Variants in SPANXN3 observed in about 807,000 individuals in gnomAD.
SPANXN3 encodes sperm protein associated with the nucleus on the X chromosome N3.
Under a neutral mutation model 1.9 loss-of-function variants are expected in SPANXN3, and 1 was observed. The ratio of observed to expected loss-of-function variants is 0.54; its 90% CI spans 0.19 to 2.54. The LOEUF (loss-of-function observed/expected upper bound fraction) is 2.54. SPANXN3 is among the 30% of genes most tolerant of loss of function. The pLI is 0.24. For synonymous variants in SPANXN3, 47 were observed against 40.0 expected, an observed-to-expected ratio of 1.17 and a Z score of -0.66; for missense variants, 113 against 96.2, an observed-to-expected ratio of 1.17 and a Z score of -0.73.
chrX:143,511,718 A>G (rs1334764541), intron 1 of SPANXN3, among the ~76,000 whole-genome samples: 1 of 111,545 alleles, frequency 9.0e-6, no homozygotes, highest in African/African-American at 3.3e-5. Context: ...AGGGACACTG[A>G]GCAAAAGCCT....
intron 1 of SPANXN3, chrX:143,516,617 T>G (rs1556412589): frequency 8.9e-6 from 1 of 111,871 alleles, no homozygotes; most frequent in Non-Finnish European, 1.9e-5. Flanking sequence ...ATATTTACCT[T>G]CATATCCCGC....
Position 143,516,030 on chromosome X carries a change from C to G in SPANXN3, c.78+1284G>C, listed in dbSNP as rs1473187311. Among the ~76,000 whole-genome samples, 8 of 111,456 alleles carry G rather than the reference C, an allele frequency of 7.2e-5. No individual in the cohort carries two copies. The Admixed American group carries it at 7.6e-4, about 11-fold the overall frequency. The stretch of plus-strand genomic sequence containing the variant: ...TCAAGGGCGCTCGCTGGAAAACATG[C>G]ACAAACAATTCCCTCAAGTGCAACC... On this transcript the variant is annotated intron_variant, in intron 1 of 1. Transcript: ENST00000370503.
chrX:143,508,813 G>A lies in SPANXN3; in HGVS notation c.*2C>T, dbSNP rs781851727. ...TGTCCAATTTGGTTTCTCCATGTGT[G>A]ACTAATCCTCCCCACTGTCCTGTGA... On this transcript the variant is annotated 3_prime_UTR_variant, in exon 2 of 2. Coordinates refer to ENST00000370503, the MANE Select transcript of SPANXN3 (RefSeq NM_001009609.4). 4.2e-6 allele frequency: 5 copies of A among 1,199,363 alleles called. No homozygotes were observed. The Admixed American group carries it at 1.1e-4, about 26-fold the overall frequency.
chrX:143,517,281 C>T (rs782773915), intron 1 of SPANXN3, 33 bp downstream of exon 1: 5 of 1,195,850 alleles, frequency 4.2e-6, no homozygotes, highest in Non-Finnish European at 5.7e-6. Context: ...TTTCTTTCAC[C>T]CTCACCTTCC....
intron 1 of SPANXN3, among the ~76,000 whole-genome samples, chrX:143,514,203 C>G (rs1168921563): frequency 8.9e-6 from 1 of 111,961 alleles, no homozygotes; most frequent in Non-Finnish European, 1.9e-5. Flanking sequence ...AAAACCCCAT[C>G]GTTATTGCTC....
chrX:143,509,130 G>T lies in SPANXN3; in HGVS notation c.111C>A (p.Pro37=), dbSNP rs145086130. Residue 37 remains proline, a synonymous_variant, in exon 2 of 2, where the codon CCC becomes CCA. Coordinates refer to ENST00000370503, the MANE Select transcript of SPANXN3 (RefSeq NM_001009609.4). ...TTTTTGTGTTCTTCAAACTCTGTTCGGGGGCTAAGACTCTGTTTGGTACCT... is the reference window on the plus strand; with the variant it reads ...TTTTTGTGTTCTTCAAACTCTGTTCTGGGGCTAAGACTCTGTTTGGTACCT... The part of the protein sequence containing the change: ...MQEVPNRVLA[P]EQSLKNTKTS... 1 of 1,207,881 alleles carries T rather than the reference G, an allele frequency of 8.3e-7. No homozygotes were observed. Among genetic ancestry groups the T allele is most frequent in the African/African-American group, 1.8e-5 (1 of 56,885 alleles).
intron 1 of SPANXN3, among the ~76,000 whole-genome samples, chrX:143,512,613 C>T (rs1388861619): frequency 1.8e-5 from 2 of 111,406 alleles, no homozygotes; most frequent in Non-Finnish European, 3.8e-5. Flanking sequence ...AAATCTACTA[C>T]ACACTCCTCT....
intron 1 of SPANXN3, among the ~76,000 whole-genome samples, chrX:143,516,357 G>T (rs1429958279): frequency 8.9e-6 from 1 of 111,992 alleles, no homozygotes; most frequent in Non-Finnish European, 1.9e-5. Flanking sequence ...CTGCCTACTG[G>T]CCAAATGGTC....
At chrX:143,513,523 TTA>T (rs1929146380) in intron 1 of SPANXN3, among the ~76,000 whole-genome samples, 1 of 111,701 alleles carries the variant, frequency 9.0e-6, no homozygotes, top group Admixed American at 9.5e-5. Context: ...CATCTTCCCA[TTA>T]CCTACAGGAC....
intron 1 of SPANXN3, among the ~76,000 whole-genome samples, chrX:143,509,914 T>A (rs1345594556): frequency 9.0e-6 from 1 of 110,735 alleles, no homozygotes; most frequent in Non-Finnish European, 1.9e-5. Flanking sequence ...CCCAGGACGG[T>A]GATTGGGTTC....
At chrX:143,516,511 G>C (rs1473735958) in intron 1 of SPANXN3, 2 of 112,487 alleles carry the variant, frequency 1.8e-5, no homozygotes, top group African/African-American at 3.2e-5. Flanking sequence ...GTTAGCAGAA[G>C]TAAACATCTC....
chrX:143,512,031 A>G (rs1167851393), intron 1 of SPANXN3, among the ~76,000 whole-genome samples: 79 of 111,250 alleles, frequency 7.1e-4, no homozygotes, highest in Admixed American at 7.1e-3. Flanking sequence ...AGAATCAATA[A>G]AATCCCCTCT....
chrX:143,517,350 C>T lies in SPANXN3; in HGVS notation c.42G>A (p.Lys14=). The change falls in exon 1 of 2, where the codon AAG becomes AAA. Residue 14 remains lysine (K), a synonymous_variant. Transcript: ENST00000370503. ...PTSSTNGEKT[K]SPCESNNKKN... ...TTTTGTTATTGGATTCACAGGGGCT[C>T]TTCGTCTTCTCCCCATTGGTGCTGG... is the stretch of plus-strand genomic sequence containing the variant. 8.3e-7 allele frequency: 1 copy of T among 1,211,428 alleles called. No individual in the cohort carries two copies. The highest frequency in any genetic ancestry group is 1.1e-6 in the Non-Finnish European group (1 of 895,356).
At chrX:143,514,694 G>A (rs782153108) in intron 1 of SPANXN3, among the ~76,000 whole-genome samples, 3 of 111,001 alleles carry the variant, frequency 2.7e-5, no homozygotes, top group African/African-American at 6.6e-5. Flanking sequence ...ATTATCCACC[G>A]GTTTAAACTC....
intron 1 of SPANXN3, among the ~76,000 whole-genome samples, chrX:143,514,294 A>G (rs1929165764): frequency 9.1e-6 from 1 of 110,174 alleles, no homozygotes; most frequent in African/African-American, 3.3e-5. Flanking sequence ...GTTTGATCTC[A>G]GTGATAAAGT....
At chrX:143,514,061 C>G (rs1456774499) in intron 1 of SPANXN3, among the ~76,000 whole-genome samples, 1 of 112,207 alleles carries the variant, frequency 8.9e-6, no homozygotes, top group Admixed American at 9.4e-5. Context: ...CAAACTTATA[C>G]ATAAGCTGCT....
chrX:143,512,211 G>A (rs1556411832), intron 1 of SPANXN3, among the ~76,000 whole-genome samples: 1 of 109,369 alleles, frequency 9.1e-6, no homozygotes, highest in African/African-American at 3.3e-5. Flanking sequence ...ATTTTACTCC[G>A]ACACCCAAAC....
intron 1 of SPANXN3, among the ~76,000 whole-genome samples, chrX:143,512,959 T>C (rs1353455534): frequency 8.9e-6 from 1 of 112,013 alleles, no homozygotes; most frequent in Non-Finnish European, 1.9e-5. Flanking sequence ...AGTTTGGGCC[T>C]AGCCCACAAT....
intron 1 of SPANXN3, among the ~76,000 whole-genome samples, chrX:143,515,372 G>T (rs1929192425): frequency 9.0e-6 from 1 of 111,223 alleles, no homozygotes; most frequent in African/African-American, 3.3e-5. Context: ...TCCAGAAGTT[G>T]CCAATCCAGA....
Sources: allele counts gnomAD v4.1 joint callset (sites outside exome capture counted in the v4.1 genomes callset), GRCh38; gene constraint gnomAD v4.1.1; transcripts MANE v1.5; gene names NCBI Gene and HGNC (gene_info 2026-07-23, HGNC 2026-07-21).